The following GRID1 variants were observed in gnomAD, a reference collection of about 807,000 sequenced individuals.
The protein encoded by GRID1 is glutamate ionotropic receptor delta type subunit 1, also known as glutamate receptor ionotropic, delta-1.
GRID1 carries 28 observed loss-of-function variants against 98.0 expected under a neutral mutation model. That is an observed-to-expected ratio of 0.29 (90% CI 0.21 to 0.39). The LOEUF (loss-of-function observed/expected upper bound fraction) is 0.39, where lower values mean the gene tolerates loss of function less well. Ranked by LOEUF, GRID1 falls within the 10% of genes least tolerant of loss-of-function variation. GRID1 has a pLI of 1.00. For synonymous variants in GRID1, 553 were observed against 538.5 expected (o/e 1.03, Z -0.37); for missense variants, 1,111 against 1,340.5 (o/e 0.83, Z 2.67).
chr10:86,193,761 A>G (rs1374405625), intron 3 of GRID1, among the ~76,000 whole-genome samples: 1 of 151,914 alleles, frequency 6.6e-6, no homozygotes, highest in Non-Finnish European at 1.5e-5. Context: ...AATTCCTGCC[A>G]GCTTGTCTCC....
intron 4 of GRID1, among the ~76,000 whole-genome samples, chr10:86,020,315 C>A (rs1315877270): frequency 6.6e-6 from 1 of 152,212 alleles, no homozygotes; most frequent in Non-Finnish European, 1.5e-5. Context: ...AGAAGCAGAG[C>A]CGGCTGCCTA....
chr10:86,234,644 A>G (rs1193968594), intron 2 of GRID1, among the ~76,000 whole-genome samples: 1 of 152,164 alleles, frequency 6.6e-6, no homozygotes, highest in Non-Finnish European at 1.5e-5. Flanking sequence ...TTGCGGTGTA[A>G]ATCTTTAATT....
intron 14 of GRID1, among the ~76,000 whole-genome samples, chr10:85,617,241 AT>A (rs894499748): frequency 1.8e-5 from 2 of 111,700 alleles, no homozygotes; most frequent in Admixed American, 9.8e-5. Context: ...CCCCCCTTTT[AT>A]TTTTTTTGAG....
chr10:86,284,303 C>G (rs567194480), intron 2 of GRID1, among the ~76,000 whole-genome samples: 3 of 152,220 alleles, frequency 2.0e-5, no homozygotes, highest in Non-Finnish European at 2.9e-5. Flanking sequence ...TTCACCCCTA[C>G]ACACACACAG....
chr10:85,977,841 A>G (rs926324620), intron 4 of GRID1, among the ~76,000 whole-genome samples: 4 of 152,162 alleles, frequency 2.6e-5, no homozygotes, highest in Non-Finnish European at 5.9e-5. Flanking sequence ...TTTAAGCACA[A>G]TGCCAAGCCC....
At chr10:85,622,145 G>A (rs1564680187) in intron 13 of GRID1, among the ~76,000 whole-genome samples, 1 of 152,224 alleles carries the variant, frequency 6.6e-6, no homozygotes, top group Admixed American at 6.5e-5. Flanking sequence ...AAGCCATTTG[G>A]GCATTTGTGA....
chr10:85,720,558 T>C (rs568243652), intron 12 of GRID1, among the ~76,000 whole-genome samples: 4 of 151,172 alleles, frequency 2.6e-5, no homozygotes, highest in South Asian at 4.2e-4. Context: ...ACAAAAGCAA[T>C]TCCATGGAGG....
intron 3 of GRID1, among the ~76,000 whole-genome samples, chr10:86,177,431 C>T: frequency 6.7e-6 from 1 of 150,276 alleles, no homozygotes; most frequent in Non-Finnish European, 1.5e-5. Context: ...GAGACAGAGA[C>T]TGTGTATGGG....
intron 2 of GRID1, among the ~76,000 whole-genome samples, chr10:86,258,435 C>A (rs1334233805): frequency 6.6e-6 from 1 of 152,148 alleles, no homozygotes; most frequent in East Asian, 1.9e-4. Context: ...TAACAAGCAA[C>A]CCCAAAATCT....
intron 5 of GRID1, among the ~76,000 whole-genome samples, chr10:85,879,400 A>G (rs1177590341): frequency 1.3e-5 from 2 of 152,218 alleles, no homozygotes; most frequent in Non-Finnish European, 2.9e-5. Flanking sequence ...ATGTAAAAGA[A>G]CAGAAATTGT....
chr10:86,297,850 G>A (rs79636512), intron 2 of GRID1, among the ~76,000 whole-genome samples: 3,476 of 152,290 alleles, frequency 0.023, 45 homozygotes, highest in Middle Eastern at 0.051. Flanking sequence ...CCACCTCTCC[G>A]GGAATCCAAT....
chr10:86,178,600 C>A (rs147002399), intron 3 of GRID1, among the ~76,000 whole-genome samples: 3 of 151,508 alleles, frequency 2.0e-5, no homozygotes, highest in African/African-American at 4.9e-5. Context: ...GACCAGCAGG[C>A]GGCTCGTGCA....
At chr10:86,168,320 G>C (rs1249985690) in intron 3 of GRID1, among the ~76,000 whole-genome samples, 1 of 152,226 alleles carries the variant, frequency 6.6e-6, no homozygotes, top group Non-Finnish European at 1.5e-5. Flanking sequence ...TCACCAGGCT[G>C]TGTGTGGAGC....
At chr10:85,974,888 G>A (rs889853998) in intron 4 of GRID1, among the ~76,000 whole-genome samples, 1 of 152,240 alleles carries the variant, frequency 6.6e-6, no homozygotes, top group African/African-American at 2.4e-5. Context: ...GACTCCCAAA[G>A]TGTTGGGATT....
intron 2 of GRID1, among the ~76,000 whole-genome samples, chr10:86,210,604 C>A (rs1846094265): frequency 6.6e-6 from 1 of 152,308 alleles, no homozygotes; most frequent in African/African-American, 2.4e-5. Flanking sequence ...TCGCCCTCCC[C>A]GTGGAGGTGA....
chr10:86,134,467 C>A (rs1298616909), intron 4 of GRID1, among the ~76,000 whole-genome samples: 1 of 152,196 alleles, frequency 6.6e-6, no homozygotes, highest in Non-Finnish European at 1.5e-5. Flanking sequence ...GAGTTCTCCC[C>A]ATCAAGCCTG....
chr10:86,301,066 G>A (rs912074420), intron 2 of GRID1, among the ~76,000 whole-genome samples: 2 of 152,152 alleles, frequency 1.3e-5, no homozygotes, highest in African/African-American at 4.8e-5. Context: ...CACAGGCCCT[G>A]GAGGGTCCCC....
chr10:86,328,768 C>T (rs1010025357), intron 2 of GRID1, among the ~76,000 whole-genome samples: 24 of 151,936 alleles, frequency 1.6e-4, no homozygotes, highest in African/African-American at 5.3e-4. Flanking sequence ...GAACCCCGTT[C>T]CCCCCTCCAC....
At chr10:85,667,482 AC>A (rs1368042224) in intron 12 of GRID1, among the ~76,000 whole-genome samples, 1 of 152,038 alleles carries the variant, frequency 6.6e-6, no homozygotes, top group East Asian at 1.9e-4. Flanking sequence ...TTACAGAAAA[AC>A]CCTTTTAGGT....
Sources: gnomAD v4.1 joint callset for allele counts (sites outside exome capture counted in the v4.1 genomes callset) on GRCh38, gnomAD v4.1.1 for gene constraint, MANE v1.5 for transcripts, NCBI Gene and HGNC (gene_info 2026-07-23, HGNC 2026-07-21) for gene names.